ADGRA3: variants seen among roughly 807,000 people sequenced by gnomAD.
The protein encoded by ADGRA3 is G-protein coupled receptor 125.
Under a neutral mutation model 119.8 loss-of-function variants are expected in ADGRA3, and 56 were observed. The ratio of observed to expected loss-of-function variants is 0.47; its 90% CI spans 0.38 to 0.58. ADGRA3 has a LOEUF of 0.58. Among genes scored for constraint, ADGRA3 ranks in the 20% least tolerant of loss-of-function variants. ADGRA3 has a pLI of 0.00. For synonymous variants in ADGRA3, 607 were observed against 623.8 expected, an observed-to-expected ratio of 0.97 and a Z score of 0.40; for missense variants, 1,516 against 1,649.0, an observed-to-expected ratio of 0.92 and a Z score of 1.40.
chr4:22,407,886 T>C (rs949485290), intron 14 of ADGRA3, among the ~76,000 whole-genome samples: 3 of 152,070 alleles, frequency 2.0e-5, no homozygotes, highest in Admixed American at 6.5e-5. Context: ...ATAATTAAAA[T>C]AAGCAATTGT....
intron 1 of ADGRA3, among the ~76,000 whole-genome samples, chr4:22,475,381 C>T (rs759218677): frequency 9.2e-5 from 14 of 152,158 alleles, no homozygotes; most frequent in East Asian, 1.9e-4. Flanking sequence ...GAAAACCAAA[C>T]ATGGTATGTT....
intron 4 of ADGRA3, among the ~76,000 whole-genome samples, chr4:22,448,372 C>T (rs1716905285): frequency 1.3e-5 from 2 of 152,098 alleles, no homozygotes; most frequent in African/African-American, 4.8e-5. Flanking sequence ...CTGGAAAAAT[C>T]GCATATGCTC....
At chr4:22,496,633 T>C (rs144023211) in intron 1 of ADGRA3, among the ~76,000 whole-genome samples, 95 of 152,362 alleles carry the variant, frequency 6.2e-4, no homozygotes, top group African/African-American at 2.0e-3. Flanking sequence ...ATATTAAGTA[T>C]AGAATCTAAA....
chr4:22,414,731 T>TCC, intron 12 of ADGRA3: 1 of 591,912 alleles, frequency 1.7e-6, no homozygotes, highest in Non-Finnish European at 3.0e-6. Flanking sequence ...CTCAGATGTA[T>TCC]CCCCTGAATG....
intron 17 of ADGRA3, among the ~76,000 whole-genome samples, chr4:22,390,547 A>G (rs1714095715): frequency 1.3e-5 from 2 of 151,476 alleles, no homozygotes; most frequent in Admixed American, 6.6e-5. Flanking sequence ...TGGTACCACC[A>G]CTTTCTCGCC....
chr4:22,510,177 G>T (rs1251516390), intron 1 of ADGRA3, among the ~76,000 whole-genome samples: 1 of 152,076 alleles, frequency 6.6e-6, no homozygotes, highest in Non-Finnish European at 1.5e-5. Context: ...TGTAGAGAAT[G>T]AACTTCCCTG....
At position 22,387,899 on chromosome 4, in the gene ADGRA3, A is replaced by G. The variant is rs967844609; in HGVS notation, c.3772T>C (p.Ser1258Pro). ...AACGCATCTTTTTTACTAGTGGTTG[A>G]AACTGGCTTTTCAAAATTTCTGCTA... is the stretch of plus-strand genomic sequence containing the variant. ...KSSRNFEKPV[S>P]TTSKKDALRK... is the part of the protein sequence containing the mutation. Residue 1258 changes from serine to proline, a missense_variant, in exon 19 of 19, where the codon TCA (serine) becomes CCA (proline). Ser to Pro is a moderately conservative substitution (Grantham distance 74). Coordinates refer to ENST00000334304, the MANE Select transcript of ADGRA3 (RefSeq NM_145290.4). 45 of 1,614,058 alleles carry G rather than the reference A, an allele frequency of 2.8e-5. No individual in the cohort carries two copies. Among genetic ancestry groups the G allele is most frequent in the Non-Finnish European group, 3.8e-5 (45 of 1,180,014 alleles).
chr4:22,410,852 T>C (rs1242580039), intron 14 of ADGRA3, among the ~76,000 whole-genome samples: 1 of 152,086 alleles, frequency 6.6e-6, no homozygotes, highest in Non-Finnish European at 1.5e-5. Context: ...CAATTACATT[T>C]AAGAAAAGGA....
chr4:22,412,623 T>C (rs1385102941), intron 14 of ADGRA3, among the ~76,000 whole-genome samples: 1 of 152,170 alleles, frequency 6.6e-6, no homozygotes, highest in Admixed American at 6.6e-5. Flanking sequence ...ACTCAACCTG[T>C]AATTAGTGTT....
chr4:22,405,310 C>T (rs1345884654), intron 14 of ADGRA3, among the ~76,000 whole-genome samples: 1 of 152,116 alleles, frequency 6.6e-6, no homozygotes, highest in Non-Finnish European at 1.5e-5. Context: ...AGGCCCAAGG[C>T]AGGAGGATTG....
chr4:22,515,850 G>A lies in ADGRA3; in HGVS notation c.-66C>T, dbSNP rs990556319. The A allele has an allele frequency of 6.8e-5, 66 of 975,422 alleles. No individual in the cohort carries two copies. The Middle Eastern group carries it at 1.6e-3, about 23-fold the overall frequency. The allele number at this position is 975,422 out of a possible 1,614,324, so 60.4% of individuals were successfully genotyped here. ...GCCTAGCGGGCCGCCCCGGAGCCCG[G>A]GCGGGCAGGAGCGCGGCGCGGGCCC... On this transcript the variant is annotated 5_prime_UTR_variant, in exon 1 of 19. Coordinates refer to ENST00000334304, the MANE Select transcript of ADGRA3 (RefSeq NM_145290.4).
rs1717941622 is a variant in ADGRA3 at position 22,473,824 on chromosome 4, T to A, written c.277A>T (p.Ile93Leu). The change falls in exon 2 of 19, where the codon ATA becomes TTA. Residue 93 changes from isoleucine (I) to leucine (L), a missense_variant. Coordinates refer to ENST00000334304, the MANE Select transcript of ADGRA3 (RefSeq NM_145290.4). ...AATGAGCCATTCTTCAGCTCGGATA[T>A]CTTATTGTTACTCAGAATCCTAAAA... ...TVTLILSNNK[I>L]SELKNGSFSG... 6.2e-7 allele frequency: 1 copy of A among 1,605,650 alleles called. No individual in the cohort carries two copies. Among genetic ancestry groups the A allele is most frequent in the Non-Finnish European group, 8.5e-7 (1 of 1,174,732 alleles).
chr4:22,482,204 G>A (rs1718278293), intron 1 of ADGRA3, among the ~76,000 whole-genome samples: 1 of 152,132 alleles, frequency 6.6e-6, no homozygotes, highest in Admixed American at 6.5e-5. Context: ...TCAGGCATTT[G>A]TGTATCTACC....
chr4:22,402,553 G>C, intron 15 of ADGRA3, 122 bp downstream of exon 15: 1 of 944,110 alleles, frequency 1.1e-6, no homozygotes, highest in Non-Finnish European at 1.6e-6. Context: ...ATATTCTAAA[G>C]TCATCATCCT....
intron 1 of ADGRA3, among the ~76,000 whole-genome samples, chr4:22,499,743 T>C (rs975610997): frequency 6.6e-6 from 1 of 152,202 alleles, no homozygotes; most frequent in Admixed American, 6.5e-5. Flanking sequence ...ATGGATGATG[T>C]TACAAACCTA....
chr4:22,456,273 G>GT (rs1272799390), intron 3 of ADGRA3, among the ~76,000 whole-genome samples: 1 of 152,172 alleles, frequency 6.6e-6, no homozygotes, highest in African/African-American at 2.4e-5. Context: ...TCAATGGCTG[G>GT]TGAAGCATTG....
intron 14 of ADGRA3, among the ~76,000 whole-genome samples, chr4:22,405,161 T>C (rs756117079): frequency 6.6e-6 from 1 of 152,166 alleles, no homozygotes; most frequent in South Asian, 2.1e-4. Flanking sequence ...TATGGGGAGC[T>C]GGATACCATC....
chr4:22,495,348 G>A (rs10009861), intron 1 of ADGRA3, among the ~76,000 whole-genome samples: 80,560 of 151,830 alleles, frequency 0.53, 22,296 homozygotes, highest in African/African-American at 0.66. Context: ...CGGATCGCAG[G>A]GCCCAGGAGC....
chr4:22,493,108 G>A (rs972694812), intron 1 of ADGRA3, among the ~76,000 whole-genome samples: 6 of 152,152 alleles, frequency 3.9e-5, no homozygotes, highest in Admixed American at 2.6e-4. Context: ...GGGACCACAA[G>A]TGTACACCAC....
Sources: gnomAD v4.1 joint callset for allele counts (sites outside exome capture counted in the v4.1 genomes callset) on GRCh38, gnomAD v4.1.1 for gene constraint, MANE v1.5 for transcripts, NCBI Gene and HGNC (gene_info 2026-07-23, HGNC 2026-07-21) for gene names.